The following RBFOX1 variants were observed in gnomAD, a reference collection of about 807,000 sequenced individuals.
RBFOX1 encodes RNA binding fox-1 homolog 1.
Under a neutral mutation model 57.7 loss-of-function variants are expected in RBFOX1, and 8 were observed. The observed-to-expected ratio is 0.14, with a 90% CI of 0.08 to 0.25. RBFOX1 has a LOEUF of 0.25. Ranked by LOEUF, RBFOX1 falls within the 10% of genes least tolerant of loss-of-function variation. RBFOX1 has a pLI of 1.00. For synonymous variants in RBFOX1, 326 were observed against 222.4 expected (o/e 1.47, Z -4.15); for missense variants, 611 against 548.5 (o/e 1.11, Z -1.14).
At chr16:7,117,953 C>A (rs1599997768) in intron 4 of RBFOX1, among the ~76,000 whole-genome samples, 1 of 152,142 alleles carries the variant, frequency 6.6e-6, no homozygotes, top group East Asian at 1.9e-4. Context: ...GGAGAGAGAT[C>A]CAGCAAGAGA....
chr16:5,761,197 T>C (rs539092761), intron 3 of RBFOX1, among the ~76,000 whole-genome samples: 1 of 152,278 alleles, frequency 6.6e-6, no homozygotes, highest in Non-Finnish European at 1.5e-5. Context: ...CGCTGCTGTT[T>C]ATTTTGTGAC....
intron 2 of RBFOX1, among the ~76,000 whole-genome samples, chr16:6,619,471 C>T (rs1043392866): frequency 2.6e-5 from 4 of 152,150 alleles, no homozygotes; most frequent in African/African-American, 9.7e-5. Flanking sequence ...TCAGTTCTCC[C>T]ATTCTTTTTT....
intron 4 of RBFOX1, among the ~76,000 whole-genome samples, chr16:7,371,173 A>G (rs552436729): frequency 4.3e-4 from 66 of 152,174 alleles, no homozygotes; most frequent in Non-Finnish European, 7.4e-4. Flanking sequence ...AACTGGCCCC[A>G]TCACTTGAAG....
chr16:5,304,210 C>T (rs2879844), intron 1 of RBFOX1, among the ~76,000 whole-genome samples: 126,466 of 152,154 alleles, frequency 0.83, 52,631 homozygotes, highest in East Asian at 0.93. Context: ...GCTCACAAAA[C>T]ATTGCTTTCT....
At chr16:6,864,589 G>T (rs1395813471) in intron 3 of RBFOX1, among the ~76,000 whole-genome samples, 1 of 149,628 alleles carries the variant, frequency 6.7e-6, no homozygotes, top group African/African-American at 2.5e-5. Flanking sequence ...CATCAAAACA[G>T]GCTGGATGTG....
intron 3 of RBFOX1, among the ~76,000 whole-genome samples, chr16:6,840,757 T>C (rs535800001): frequency 7.9e-5 from 12 of 151,724 alleles, no homozygotes; most frequent in Non-Finnish European, 1.0e-4. Context: ...TGTGGTGGTG[T>C]GCACCTGTAG....
intron 4 of RBFOX1, among the ~76,000 whole-genome samples, chr16:7,190,468 G>T (rs189742843): frequency 6.6e-6 from 1 of 152,080 alleles, no homozygotes; most frequent in East Asian, 1.9e-4. Flanking sequence ...ATTCCCAACA[G>T]GTATTTTTAC....
intron 4 of RBFOX1, among the ~76,000 whole-genome samples, chr16:7,157,285 T>C (rs2077350257): frequency 6.6e-6 from 1 of 152,194 alleles, no homozygotes; most frequent in South Asian, 2.1e-4. Flanking sequence ...GAAGACCATA[T>C]GCTTGATTAC....
intron 1 of RBFOX1, among the ~76,000 whole-genome samples, chr16:6,246,478 G>C (rs868596986): frequency 2.0e-5 from 3 of 152,154 alleles, no homozygotes; most frequent in Non-Finnish European, 2.9e-5. Context: ...AAGGACTCCA[G>C]TTGGCTTGGC....
At chr16:5,646,085 G>A (rs533951414) in intron 3 of RBFOX1, among the ~76,000 whole-genome samples, 9 of 151,502 alleles carry the variant, frequency 5.9e-5, no homozygotes, top group South Asian at 2.1e-4. Context: ...GTTGGAGTAC[G>A]GTGGCACAAT....
At chr16:5,283,310 A>G (rs1279269447) in intron 1 of RBFOX1, among the ~76,000 whole-genome samples, 1 of 152,192 alleles carries the variant, frequency 6.6e-6, no homozygotes, top group Non-Finnish European at 1.5e-5. Context: ...CGGAGCCCCC[A>G]CATAGAGTCC....
intron 2 of RBFOX1, among the ~76,000 whole-genome samples, chr16:5,487,723 AG>A (rs1018912366): frequency 2.6e-5 from 4 of 152,200 alleles, no homozygotes; most frequent in Non-Finnish European, 5.9e-5. Context: ...TTCCAGGCAT[AG>A]GAAGTTTTGT....
chr16:7,341,761 TC>T (rs1212586248), intron 4 of RBFOX1, among the ~76,000 whole-genome samples: 3 of 74,180 alleles, frequency 4.0e-5, no homozygotes, highest in African/African-American at 1.7e-4. Flanking sequence ...CCTCCTTCCC[TC>T]CTTCCCTCCC....
intron 2 of RBFOX1, among the ~76,000 whole-genome samples, chr16:6,618,663 A>G (rs981558682): frequency 5.3e-5 from 8 of 152,186 alleles, no homozygotes; most frequent in African/African-American, 1.9e-4. Context: ...CTGGCTTTCA[A>G]ATTCACATCA....
chr16:6,625,561 T>G (rs2098293731), intron 2 of RBFOX1, among the ~76,000 whole-genome samples: 1 of 152,220 alleles, frequency 6.6e-6, no homozygotes, highest in Non-Finnish European at 1.5e-5. Context: ...GTTATTTTTC[T>G]CTCTGCCTAC....
intron 3 of RBFOX1, among the ~76,000 whole-genome samples, chr16:6,943,179 C>A (rs545632797): frequency 6.6e-6 from 1 of 152,186 alleles, no homozygotes; most frequent in Non-Finnish European, 1.5e-5. Flanking sequence ...TCTCCACAGA[C>A]CTGAGCTTGG....
intron 3 of RBFOX1, among the ~76,000 whole-genome samples, chr16:6,828,550 T>G (rs2154283041): frequency 6.6e-6 from 1 of 151,482 alleles, no homozygotes; most frequent in Non-Finnish European, 1.5e-5. Context: ...GATAGCAGTT[T>G]CATATGACTA....
At chr16:6,737,204 A>G (rs1161214854) in intron 3 of RBFOX1, among the ~76,000 whole-genome samples, 1 of 152,332 alleles carries the variant, frequency 6.6e-6, no homozygotes, top group East Asian at 1.9e-4. Flanking sequence ...AGGTCAAGCA[A>G]AAAATAACTC....
intron 4 of RBFOX1, among the ~76,000 whole-genome samples, chr16:6,011,655 C>A (rs4786800): frequency 0.1 from 15,378 of 152,186 alleles, 983 homozygotes; most frequent in Admixed American, 0.14. Context: ...CCTAAACGGG[C>A]ATGTAATGAC....
Sources: allele counts gnomAD v4.1 joint callset (sites outside exome capture counted in the v4.1 genomes callset), GRCh38; gene constraint gnomAD v4.1.1; transcripts MANE v1.5; gene names NCBI Gene and HGNC (gene_info 2026-07-23, HGNC 2026-07-21).